Variants in MYO5A observed in about 807,000 individuals in gnomAD.
MYO5A encodes the protein myosin VA.
In MYO5A, 98 loss-of-function variants were observed where a neutral mutation model predicts 249.7. The ratio of observed to expected loss-of-function variants is 0.39; its 90% CI spans 0.33 to 0.46. The LOEUF is 0.46. MYO5A is among the 20% of genes least tolerant of loss of function. MYO5A has a pLI of 0.98. For synonymous variants in MYO5A, 778 were observed against 810.6 expected (o/e 0.96, Z 0.68); for missense variants, 1,696 against 2,308.8 (o/e 0.73, Z 5.44).
intron 4 of MYO5A, among the ~76,000 whole-genome samples, chr15:52,423,664 T>C (rs1236689640): frequency 6.6e-6 from 1 of 152,178 alleles, no homozygotes; most frequent in Non-Finnish European, 1.5e-5. Flanking sequence ...GTTATGGGTA[T>C]AGATTTATTT....
At position 52,518,687 on chromosome 15, in the gene MYO5A, T is replaced by G. The variant is rs1305413447; in HGVS notation, c.27+10093A>C. Among the ~76,000 whole-genome samples the G allele has an allele frequency of 2.0e-5, 3 of 152,230 alleles. No homozygotes were observed. The East Asian group carries it at 5.8e-4, about 29-fold the overall frequency. On this transcript the variant is annotated intron_variant, in intron 1 of 41. Coordinates refer to ENST00000399233, the MANE Select transcript of MYO5A (RefSeq NM_001382347.1). ...TCTTTAAAGGAATATCTAGTCATCT[T>G]ACTGTAATGCAGACCAGTATGGTAA...
rs548127517 is a variant in MYO5A at position 52,349,483 on chromosome 15, G to A, written c.3850-657C>T. ...GGAACTTAGGTACCTCAGTTGGACC[G>A]GGTCAGCCCATTAGGGTCAGGAGAG... On this transcript the variant is annotated intron_variant, in intron 28 of 41. Coordinates refer to ENST00000399233, the MANE Select transcript of MYO5A (RefSeq NM_001382347.1). Among the ~76,000 whole-genome samples, 139 of 152,270 alleles carry A rather than the reference G, an allele frequency of 9.1e-4. 4 individuals carry two copies. The South Asian group carries it at 0.026, about 29-fold the overall frequency.
At chr15:52,372,916 C>T (rs1410465588) in intron 20 of MYO5A, among the ~76,000 whole-genome samples, 2 of 151,938 alleles carry the variant, frequency 1.3e-5, no homozygotes, top group East Asian at 3.9e-4. Flanking sequence ...TCTGTAGAGG[C>T]CAACACTTGG....
intron 9 of MYO5A, among the ~76,000 whole-genome samples, chr15:52,404,694 G>A (rs1048318154): frequency 6.6e-6 from 1 of 152,138 alleles, no homozygotes; most frequent in African/African-American, 2.4e-5. Context: ...ACGTGAGTAA[G>A]AGCTGGCTAG....
At chr15:52,437,594 C>CAAAAAAA (rs57299562) in intron 1 of MYO5A, among the ~76,000 whole-genome samples, 3 of 73,908 alleles carry the variant, frequency 4.1e-5, no homozygotes, top group African/African-American at 9.9e-5. Flanking sequence ...GACTCCATCT[C>CAAAAAAA]AAAAAAAAAA....
In MYO5A at chr15:52,375,009, A is replaced by G. The variant is rs10444828; in HGVS notation, c.2577+295T>C. 0.94 allele frequency among the ~76,000 whole-genome samples: 143,626 copies of G among 152,256 alleles called. 68,311 individuals are homozygous for G. The highest frequency in any genetic ancestry group is 1 in the East Asian group (5,184 of 5,184). ...GCATTTCAGGCTGGGCATGTGCACA[A>G]TGGCTCATACCTATAATCTCAGCAC... is the stretch of plus-strand genomic sequence containing the variant. On this transcript the variant is annotated intron_variant, in intron 20 of 41. Coordinates refer to ENST00000399233, the MANE Select transcript of MYO5A (RefSeq NM_001382347.1).
At chr15:52,527,820 G>C (rs1330157753) in intron 1 of MYO5A, among the ~76,000 whole-genome samples, 1 of 152,200 alleles carries the variant, frequency 6.6e-6, no homozygotes, top group Non-Finnish European at 1.5e-5. Flanking sequence ...GACCCTAAAT[G>C]AAAGTTCTGT....
intron 22 of MYO5A, among the ~76,000 whole-genome samples, chr15:52,368,678 G>A (rs2040938530): frequency 6.6e-6 from 1 of 152,172 alleles, no homozygotes; most frequent in Non-Finnish European, 1.5e-5. Flanking sequence ...ACCAATGTGG[G>A]AAAACAGCTT....
At chr15:52,347,154 C>T (rs865932688) in intron 29 of MYO5A, among the ~76,000 whole-genome samples, 1 of 151,788 alleles carries the variant, frequency 6.6e-6, no homozygotes, top group African/African-American at 2.4e-5. Flanking sequence ...TAATTTTCTC[C>T]GTTTAGTCAA....
Position 52,351,341 on chromosome 15 carries a change from A to C in MYO5A, c.3762T>G (p.Ser1254=), listed in dbSNP as rs771087568. 3 of 1,614,218 alleles carry C rather than the reference A, an allele frequency of 1.9e-6. No individual in the cohort carries two copies. Among genetic ancestry groups the C allele is most frequent in the Non-Finnish European group, 2.5e-6 (3 of 1,180,040 alleles). ...TGCGGACATCAAGCTCCTCGCTCACAGAGGTCAGCTGCTCCATGAGGACAC... is the reference window on the plus strand; with the variant it reads ...TGCGGACATCAAGCTCCTCGCTCACCGAGGTCAGCTGCTCCATGAGGACAC... ...AYRVLMEQLT[S]VSEELDVRKE... is the part of the protein sequence containing the mutation. Residue 1254 remains serine, a synonymous_variant, in exon 28 of 42, where the codon TCT becomes TCG. Transcript: ENST00000399233.
chr15:52,409,920 A>C lies in MYO5A; in HGVS notation c.756+413T>G, dbSNP rs191126810. Among the ~76,000 whole-genome samples, 385 of 152,270 alleles carry C rather than the reference A, an allele frequency of 2.5e-3. 3 individuals carry two copies. The highest frequency in any genetic ancestry group is 2.0e-3 in the Non-Finnish European group (136 of 68,014). On this transcript the variant is annotated intron_variant, in intron 6 of 41. Transcript: ENST00000399233. ...CCCTCACTATTCTATCTAAACAATA[A>C]TATATTCTGAAAGAGGAGAAGAAGG...
At chr15:52,417,805 G>A (rs1331495500) in intron 4 of MYO5A, among the ~76,000 whole-genome samples, 2 of 152,186 alleles carry the variant, frequency 1.3e-5, no homozygotes, top group Non-Finnish European at 2.9e-5. Flanking sequence ...TGCCAGCGCT[G>A]TGCTCTTGGA....
intron 1 of MYO5A, among the ~76,000 whole-genome samples, chr15:52,494,856 C>T (rs965702767): frequency 6.6e-6 from 1 of 152,106 alleles, no homozygotes; most frequent in Admixed American, 6.6e-5. Context: ...AAGGATTCCG[C>T]TGAATTTATC....
intron 9 of MYO5A, among the ~76,000 whole-genome samples, chr15:52,404,978 T>A (rs973047949): frequency 2.6e-5 from 4 of 151,888 alleles, no homozygotes; most frequent in African/African-American, 9.7e-5. Flanking sequence ...GAGTTTCTGA[T>A]CTTGTGGGGC....
At chr15:52,315,566 G>T (rs576697387) in intron 40 of MYO5A, among the ~76,000 whole-genome samples, 245 of 152,058 alleles carry the variant, frequency 1.6e-3, no homozygotes, top group African/African-American at 5.7e-3. Context: ...TAGAGATGGG[G>T]TTTCACCATG....
At chr15:52,426,188 TGGACTA>T (rs1393845588) in intron 3 of MYO5A, among the ~76,000 whole-genome samples, 1 of 152,230 alleles carries the variant, frequency 6.6e-6, no homozygotes, top group Non-Finnish European at 1.5e-5. Context: ...ATTTAAAAAC[TGGACTA>T]GGTGGCTTAA....
At chr15:52,325,883 C>G (rs17613587) in intron 36 of MYO5A, among the ~76,000 whole-genome samples, 1 of 151,722 alleles carries the variant, frequency 6.6e-6, no homozygotes, top group South Asian at 2.1e-4. Flanking sequence ...TTGAGTTTGC[C>G]GAAGTAGTAT....
intron 1 of MYO5A, among the ~76,000 whole-genome samples, chr15:52,525,164 T>C (rs1198055064): frequency 6.6e-6 from 1 of 152,204 alleles, no homozygotes; most frequent in Admixed American, 6.5e-5. Context: ...TGAGATATCA[T>C]AGTTTCCTTT....
At chr15:52,465,118 T>C (rs2076327461) in intron 1 of MYO5A, among the ~76,000 whole-genome samples, 1 of 152,128 alleles carries the variant, frequency 6.6e-6, no homozygotes. Flanking sequence ...GGTAGTAAGG[T>C]CAGGGCAAGA....
Sources: allele counts gnomAD v4.1 joint callset (sites outside exome capture counted in the v4.1 genomes callset), GRCh38; gene constraint gnomAD v4.1.1; transcripts MANE v1.5; gene names NCBI Gene and HGNC (gene_info 2026-07-23, HGNC 2026-07-21).